TMEM272: variants seen among roughly 807,000 people sequenced by gnomAD.
TMEM272 encodes transmembrane protein 272, also known as long intergenic non-protein coding RNA 282.
A neutral mutation model predicts 3.7 loss-of-function variants in TMEM272; 8 were observed. The observed-to-expected ratio is 2.17, with a 90% CI of 1.27 to 3.91. The LOEUF (loss-of-function observed/expected upper bound fraction) is 3.91. Among genes scored for constraint, TMEM272 ranks in the 30% most tolerant of loss-of-function variants. The pLI is 0.00. For synonymous variants in TMEM272, 63 were observed against 39.8 expected (o/e 1.58, Z -2.20); for missense variants, 166 against 91.5 (o/e 1.81, Z -3.32).
chr13:51,918,194 G>A, the TMEM272 span, among the ~76,000 whole-genome samples: 2 of 152,160 alleles, frequency 1.3e-5, no homozygotes, highest in Non-Finnish European at 2.9e-5. Flanking sequence ...TGAACTCCTA[G>A]TGCCAATTCC....
At chr13:51,867,405 G>GTAT in the TMEM272 span, among the ~76,000 whole-genome samples, 1 of 152,208 alleles carries the variant, frequency 6.6e-6, no homozygotes, top group Non-Finnish European at 1.5e-5. Flanking sequence ...GTCACGGGAA[G>GTAT]TGACTTGGCT....
chr13:51,851,522 C>CTTTTTT, the TMEM272 span, among the ~76,000 whole-genome samples: 1 of 97,994 alleles, frequency 1.0e-5, no homozygotes, highest in African/African-American at 4.2e-5. Context: ...TTTGTTTTAC[C>CTTTTTT]TTTTTTTTTT....
At chr13:51,901,385 C>T in the TMEM272 span, among the ~76,000 whole-genome samples, 2 of 152,170 alleles carry the variant, frequency 1.3e-5, no homozygotes, top group African/African-American at 4.8e-5. Context: ...TATAAAGAAA[C>T]CACTCCTGCT....
chr13:51,889,343 T>C, the TMEM272 span, among the ~76,000 whole-genome samples: 1 of 152,202 alleles, frequency 6.6e-6, no homozygotes, highest in Non-Finnish European at 1.5e-5. Context: ...TATTTGGAGA[T>C]AGGGCCTTTA....
chr13:51,908,892 T>C, the TMEM272 span: 4 of 1,417,204 alleles, frequency 2.8e-6, no homozygotes, highest in Non-Finnish European at 3.0e-6. Flanking sequence ...AGTAAACCTA[T>C]CACAGCTTGA....
intron 3 of TMEM272, among the ~76,000 whole-genome samples, chr13:51,822,894 A>G (rs574734366): frequency 1.3e-5 from 2 of 152,302 alleles, no homozygotes; most frequent in South Asian, 4.1e-4. Context: ...TCTATTTAAC[A>G]TATAAAGAAG....
the TMEM272 span, chr13:51,865,905 C>T: frequency 6.2e-7 from 1 of 1,613,926 alleles, no homozygotes; most frequent in East Asian, 2.2e-5. Context: ...GGGGAGAAAG[C>T]CCTGTGGGAA....
chr13:51,884,187 G>T, the TMEM272 span, among the ~76,000 whole-genome samples: 16 of 152,184 alleles, frequency 1.1e-4, no homozygotes, highest in African/African-American at 3.1e-4. Context: ...TCTAGAAAAG[G>T]CTATCCTCCC....
the TMEM272 span, among the ~76,000 whole-genome samples, chr13:51,867,718 T>C: frequency 1.3e-5 from 2 of 152,094 alleles, no homozygotes; most frequent in African/African-American, 4.8e-5. Flanking sequence ...TGGGAGCAGC[T>C]TTCTCCTTGG....
chr13:51,833,057 T>C (rs769729925), intron 2 of TMEM272, among the ~76,000 whole-genome samples: 1 of 152,120 alleles, frequency 6.6e-6, no homozygotes, highest in Non-Finnish European at 1.5e-5. Context: ...ATATTGGTAC[T>C]GGGTGTTGAT....
At chr13:51,914,721 C>T in the TMEM272 span, among the ~76,000 whole-genome samples, 1 of 152,208 alleles carries the variant, frequency 6.6e-6, no homozygotes, top group African/African-American at 2.4e-5. Flanking sequence ...GAGTGTGGCC[C>T]ACAGAGCAGC....
the TMEM272 span, among the ~76,000 whole-genome samples, chr13:51,923,506 C>G: frequency 6.6e-6 from 1 of 152,188 alleles, no homozygotes; most frequent in South Asian, 2.1e-4. Context: ...ACCAGACCCT[C>G]AGGCAGCACA....
chr13:51,886,670 T>C, the TMEM272 span, among the ~76,000 whole-genome samples: 1,230 of 152,318 alleles, frequency 8.1e-3, 28 homozygotes, highest in African/African-American at 0.028. Context: ...TACTACAACA[T>C]AATCCATTAC....
the TMEM272 span, among the ~76,000 whole-genome samples, chr13:51,902,013 G>A: frequency 6.6e-6 from 1 of 152,154 alleles, no homozygotes; most frequent in Non-Finnish European, 1.5e-5. Context: ...ATCCACTGGG[G>A]TCAAGCTCCA....
chr13:51,876,923 C>A, the TMEM272 span, among the ~76,000 whole-genome samples: 1 of 152,108 alleles, frequency 6.6e-6, no homozygotes, highest in Non-Finnish European at 1.5e-5. Context: ...AATCTGGAAA[C>A]TAGCAGGAAA....
At chr13:51,898,191 C>T in the TMEM272 span, among the ~76,000 whole-genome samples, 2 of 151,032 alleles carry the variant, frequency 1.3e-5, no homozygotes, top group South Asian at 4.2e-4. Context: ...ACACTCCAGT[C>T]TGGTAACAGA....
At chr13:51,837,293 G>A (rs1956224097) in intron 2 of TMEM272, among the ~76,000 whole-genome samples, 1 of 152,202 alleles carries the variant, frequency 6.6e-6, no homozygotes, top group South Asian at 2.1e-4. Context: ...TGTTGGGGGA[G>A]GTGGTGGTAA....
chr13:51,922,973 G>T, the TMEM272 span, among the ~76,000 whole-genome samples: 4 of 152,228 alleles, frequency 2.6e-5, no homozygotes, highest in Non-Finnish European at 5.9e-5. Context: ...CACATGTGCA[G>T]GGCTCCTTTT....
the TMEM272 span, among the ~76,000 whole-genome samples, chr13:51,860,331 C>A: frequency 2.0e-5 from 3 of 152,064 alleles, no homozygotes; most frequent in Non-Finnish European, 2.9e-5. Flanking sequence ...TAAAAGAAAC[C>A]ATTCCAAAAG....
Sources: allele counts gnomAD v4.1 joint callset (sites outside exome capture counted in the v4.1 genomes callset), GRCh38; gene constraint gnomAD v4.1.1; transcripts MANE v1.5; gene names NCBI Gene and HGNC (gene_info 2026-07-23, HGNC 2026-07-21).